The following TBC1D8 variants were observed in gnomAD, a reference collection of about 807,000 sequenced individuals.
TBC1D8 encodes TBC1 domain family member 8.
A neutral mutation model predicts 118.8 loss-of-function variants in TBC1D8; 65 were observed. The ratio of observed to expected loss-of-function variants is 0.55; its 90% confidence interval spans 0.45 to 0.67. The LOEUF is 0.67. TBC1D8 is among the 30% of genes least tolerant of loss of function. The probability of loss-of-function intolerance (pLI) is 0.00; values close to 1 mark genes in which losing one functional copy is unlikely to be tolerated. For missense variants in TBC1D8, 1,376 were observed against 1,471.2 expected, an observed-to-expected ratio of 0.94 and a Z score of 1.06; for synonymous variants, 566 against 595.8, an observed-to-expected ratio of 0.95 and a Z score of 0.73.
Position 101,050,520 on chromosome 2 carries a change from G to A in TBC1D8, c.753C>T (p.Asn251=), listed in dbSNP as rs538126346. The A allele has an allele frequency of 2.9e-5, 46 of 1,613,968 alleles. 1 individual carries two copies. In the African/African-American group the frequency reaches 4.8e-4, roughly 17 times the overall value. The part of the protein sequence containing the change: ...NKERDFSMFL[N]LDEVFKVMEQ... ...CCATGACCTTAAACACCTCATCCAG[G>A]TTCAGGAACATGGAGAAGTCACGCT... Residue 251 remains asparagine (N), a synonymous_variant, in exon 5 of 20, where the codon AAC becomes AAT. Coordinates refer to ENST00000409318, the MANE Select transcript of TBC1D8 (RefSeq NM_001330348.2).
chr2:101,109,140 A>G (rs536202437), intron 1 of TBC1D8, among the ~76,000 whole-genome samples: 1 of 152,272 alleles, frequency 6.6e-6, no homozygotes, highest in Non-Finnish European at 1.5e-5. Context: ...ATAGGAAACC[A>G]GGGTTGGGGT....
intron 1 of TBC1D8, among the ~76,000 whole-genome samples, chr2:101,119,414 T>G (rs1268394147): frequency 6.6e-6 from 1 of 152,164 alleles, no homozygotes; most frequent in Non-Finnish European, 1.5e-5. Flanking sequence ...CCACCCTAAG[T>G]GTCCCATCTC....
intron 1 of TBC1D8, among the ~76,000 whole-genome samples, chr2:101,106,902 A>T (rs1677257137): frequency 6.6e-6 from 1 of 152,228 alleles, no homozygotes; most frequent in Admixed American, 6.5e-5. Context: ...GTGTTAGAAG[A>T]CTTTGCCTAA....
At chr2:101,024,720 G>GA (rs1278536500) in intron 15 of TBC1D8, among the ~76,000 whole-genome samples, 2 of 151,926 alleles carry the variant, frequency 1.3e-5, no homozygotes, top group Non-Finnish European at 1.5e-5. Flanking sequence ...ACTGTAATTT[G>GA]AAAAAATTAA....
chr2:101,012,154 G>A (rs1297708258), intron 17 of TBC1D8, among the ~76,000 whole-genome samples: 1 of 152,080 alleles, frequency 6.6e-6, no homozygotes, highest in Non-Finnish European at 1.5e-5. Flanking sequence ...AAACAGTCTG[G>A]CAGTTTTTAA....
Position 101,038,478 on chromosome 2 carries a change from A to G in TBC1D8, c.1258T>C (p.Ser420Pro), listed in dbSNP as rs750257109. 1.2e-6 allele frequency: 2 copies of G among 1,613,710 alleles called. No individual in the cohort carries two copies. The highest frequency in any genetic ancestry group is 3.3e-5 in the Admixed American group (2 of 60,018). The change falls in exon 7 of 20, where the codon TCT becomes CCT. Residue 420 changes from serine (S) to proline (P), a missense_variant. Coordinates refer to ENST00000409318, the MANE Select transcript of TBC1D8 (RefSeq NM_001330348.2). ...HANHPVHYDTSADDDMASLVF... is the reference protein window; with the variant it reads ...HANHPVHYDTPADDDMASLVF... Reference sequence around the variant, plus strand: ...GACCATACCATGTCATCATCCGCAGAGGTGTCGTAGTGCACGGGGTGGTTG... The same window carrying G: ...GACCATACCATGTCATCATCCGCAGGGGTGTCGTAGTGCACGGGGTGGTTG...
At chr2:101,081,501 T>C (rs1204522890) in intron 2 of TBC1D8, among the ~76,000 whole-genome samples, 4 of 152,018 alleles carry the variant, frequency 2.6e-5, no homozygotes, top group Non-Finnish European at 4.4e-5. Flanking sequence ...AAGCAGTGAG[T>C]GTTATTAAAA....
Position 101,037,670 on chromosome 2 carries a change from G to C in TBC1D8, c.1314C>G (p.Asp438Glu), listed in dbSNP as rs1279657250. ...TCATTTCAAGATCCCCAAATCTGTG[G>C]TCACTGCACATGCTTGTTGAATGAA... The part of the protein sequence containing the change: ...LVFHSTSMCS[D>E]HRFGDLEMMS... The change falls in exon 8 of 20, where the codon GAC becomes GAG. Residue 438 changes from aspartate to glutamate, a missense_variant. Coordinates refer to ENST00000409318, the MANE Select transcript of TBC1D8 (RefSeq NM_001330348.2). The C allele has an allele frequency of 3.1e-6, 5 of 1,613,838 alleles. No individual in the cohort carries two copies. Among genetic ancestry groups the C allele is most frequent in the Non-Finnish European group, 4.2e-6 (5 of 1,179,892 alleles).
At chr2:101,141,942 C>G (rs1454167275) in intron 1 of TBC1D8, among the ~76,000 whole-genome samples, 2 of 152,096 alleles carry the variant, frequency 1.3e-5, no homozygotes, top group African/African-American at 4.8e-5. Flanking sequence ...TAAAAATATT[C>G]TCATCCCTAT....
intron 1 of TBC1D8, among the ~76,000 whole-genome samples, chr2:101,117,529 A>AT (rs765369431): frequency 8.8e-4 from 132 of 150,368 alleles, no homozygotes; most frequent in Middle Eastern, 3.4e-3. Flanking sequence ...GGAGGCACTC[A>AT]TATGTTCAAG....
rs767197656 is a variant in TBC1D8 at position 101,038,474 on chromosome 2, G to A, written c.1262C>T (p.Ala421Val). 13 of 1,613,526 alleles carry A rather than the reference G, an allele frequency of 8.1e-6. No individual in the cohort carries two copies. Among genetic ancestry groups the A allele is most frequent in the Non-Finnish European group, 1.1e-5 (13 of 1,179,848 alleles). Reference protein sequence around the residue: ...ANHPVHYDTSADDDMASLVFH... With the variant: ...ANHPVHYDTSVDDDMASLVFH... ...GAGGGACCATACCATGTCATCATCCGCAGAGGTGTCGTAGTGCACGGGGTG... is the reference window on the plus strand; with the variant it reads ...GAGGGACCATACCATGTCATCATCCACAGAGGTGTCGTAGTGCACGGGGTG... Residue 421 changes from alanine (A) to valine (V), a missense_variant, in exon 7 of 20, where the codon GCG becomes GTG. Physicochemically the swap from Ala to Val is moderately conservative, Grantham distance 64 (BLOSUM62 0). Coordinates refer to ENST00000409318, the MANE Select transcript of TBC1D8 (RefSeq NM_001330348.2).
chr2:101,132,359 A>G (rs1000057499), intron 1 of TBC1D8, among the ~76,000 whole-genome samples: 1 of 152,202 alleles, frequency 6.6e-6, no homozygotes, highest in Non-Finnish European at 1.5e-5. Flanking sequence ...TTACACGTGT[A>G]TATCTGTATC....
At position 101,056,297 on chromosome 2, in the gene TBC1D8, G is replaced by A. The variant is rs367987335; in HGVS notation, c.403-1961C>T. Among the ~76,000 whole-genome samples, 259 of 151,026 alleles carry A rather than the reference G, an allele frequency of 1.7e-3. 3 individuals are homozygous for A. Among genetic ancestry groups the A allele is most frequent in the East Asian group, 4.5e-3 (23 of 5,102 alleles). On this transcript the variant is annotated intron_variant, in intron 3 of 19. Transcript: ENST00000409318. ...CGGCTCACTGCAAGCTCTGCCTCCCGGGTTCATGCCATTCTCCTGCCTCAG... is the reference window on the plus strand; with the variant it reads ...CGGCTCACTGCAAGCTCTGCCTCCCAGGTTCATGCCATTCTCCTGCCTCAG...
At chr2:101,089,781 G>C (rs1675893779) in intron 2 of TBC1D8, among the ~76,000 whole-genome samples, 1 of 152,022 alleles carries the variant, frequency 6.6e-6, no homozygotes, top group African/African-American at 2.4e-5. Flanking sequence ...GGAGCACATT[G>C]GTAAGTCAGA....
chr2:101,021,054 C>A (rs1436048650), intron 17 of TBC1D8, among the ~76,000 whole-genome samples: 1 of 152,144 alleles, frequency 6.6e-6, no homozygotes, highest in Non-Finnish European at 1.5e-5. Flanking sequence ...GCTCTAGAAT[C>A]CCCCTCAGTG....
At chr2:101,023,775 A>G (rs142424806) in intron 15 of TBC1D8, 2 of 283,382 alleles carry the variant, frequency 7.1e-6, no homozygotes, top group African/African-American at 4.6e-5. Flanking sequence ...CCCAATTCAC[A>G]AAAGTCTGAA....
At chr2:101,080,925 T>C (rs1269048180) in intron 2 of TBC1D8, among the ~76,000 whole-genome samples, 1 of 151,804 alleles carries the variant, frequency 6.6e-6, no homozygotes, top group African/African-American at 2.4e-5. Context: ...ACAGGAGCAC[T>C]ACCAGGCCCA....
chr2:101,110,567 G>A (rs1307383984), intron 1 of TBC1D8, among the ~76,000 whole-genome samples: 1 of 152,070 alleles, frequency 6.6e-6, no homozygotes, highest in Non-Finnish European at 1.5e-5. Context: ...GCTCCTTCAC[G>A]GTACACCACA....
At chr2:101,033,122 A>T (rs989234504) in intron 10 of TBC1D8, among the ~76,000 whole-genome samples, 13 of 148,236 alleles carry the variant, frequency 8.8e-5, no homozygotes, top group Non-Finnish European at 1.2e-4. Flanking sequence ...CACTCGGTAA[A>T]TTTTTTTTTT....
Sources: allele counts gnomAD v4.1 joint callset (sites outside exome capture counted in the v4.1 genomes callset), GRCh38; gene constraint gnomAD v4.1.1; transcripts MANE v1.5; gene names NCBI Gene and HGNC (gene_info 2026-07-23, HGNC 2026-07-21).